Variants in UGT1A6 observed in about 807,000 individuals in gnomAD.
UGT1A6 encodes the protein UDP glucuronosyltransferase family 1 member A6, also known as UDP-glucuronosyltransferase 1A6.
UGT1A6 carries 32 observed loss-of-function variants against 44.4 expected under a neutral mutation model. The ratio of observed to expected loss-of-function variants is 0.72; its 90% CI spans 0.54 to 0.97. The LOEUF (loss-of-function observed/expected upper bound fraction) is 0.97. UGT1A6 is among the 50% of genes least tolerant of loss of function. UGT1A6 has a pLI of 0.00. For missense variants in UGT1A6, 685 were observed against 661.9 expected, an observed-to-expected ratio of 1.03 and a Z score of -0.38; for synonymous variants, 238 against 248.5, an observed-to-expected ratio of 0.96 and a Z score of 0.40.
chr2:233,751,261 C>T (rs1694682107), intron 1 of UGT1A6, among the ~76,000 whole-genome samples: 1 of 151,890 alleles, frequency 6.6e-6, no homozygotes, highest in South Asian at 2.1e-4. Flanking sequence ...GGCCTGTAGC[C>T]CCCTTTTTTT....
At chr2:233,721,854 C>G in intron 1 of UGT1A6, 1 of 513,502 alleles carries the variant, frequency 1.9e-6, no homozygotes, top group Non-Finnish European at 3.9e-6. Context: ...AGCCCCACTG[C>G]TCGGCCCTGG....
At chr2:233,708,414 C>A (rs2076017476) in intron 1 of UGT1A6, 1 of 152,100 alleles carries the variant, frequency 6.6e-6, no homozygotes, top group Admixed American at 6.6e-5. Flanking sequence ...AGTTGTTTCA[C>A]CAGTGAAGAT....
At chr2:233,761,289 C>G in intron 1 of UGT1A6, 1 of 1,541,658 alleles carries the variant, frequency 6.5e-7, no homozygotes, top group Non-Finnish European at 8.8e-7. Context: ...ATTTTTGACT[C>G]CTAGGTTTGA....
At chr2:233,724,475 T>A (rs568755731) in intron 1 of UGT1A6, among the ~76,000 whole-genome samples, 8 of 68,812 alleles carry the variant, frequency 1.2e-4, no homozygotes, top group Non-Finnish European at 1.5e-4. Flanking sequence ...GGCTCCTCAC[T>A]TCTCAGACGG....
At chr2:233,730,094 A>G (rs1211055945) in intron 1 of UGT1A6, 2 of 1,593,062 alleles carry the variant, frequency 1.3e-6, no homozygotes, top group South Asian at 2.3e-5. Context: ...ATCTTTCCAA[A>G]TATTTCATTT....
At chr2:233,747,347 G>A (rs1693638720) in intron 1 of UGT1A6, 5 of 1,603,376 alleles carry the variant, frequency 3.1e-6, no homozygotes, top group Non-Finnish European at 4.3e-6. Context: ...CTCGCATGCG[G>A]GAGGCCGTGC....
intron 2 of UGT1A6, 121 bp downstream of exon 2, chr2:233,767,286 C>T (rs967346318): frequency 1.9e-6 from 3 of 1,568,700 alleles, no homozygotes; most frequent in Non-Finnish European, 2.6e-6. Flanking sequence ...CCTGCCACTT[C>T]CCAACTATTA....
At chr2:233,757,535 A>AATAAATATACATATACATATATATATAT (rs1553619837) in intron 1 of UGT1A6, among the ~76,000 whole-genome samples, 4 of 88,284 alleles carry the variant, frequency 4.5e-5, no homozygotes, top group African/African-American at 2.0e-4. Flanking sequence ...GCCTGTAAGG[A>AATAAATATACATATACATATATATATAT]ATATATATAT....
intron 1 of UGT1A6, among the ~76,000 whole-genome samples, chr2:233,727,772 CAGTAGACG>C (rs1364688082): frequency 6.6e-6 from 1 of 152,208 alleles, no homozygotes; most frequent in Non-Finnish European, 1.5e-5. Context: ...GGGTGTCCCC[CAGTAGACG>C]CTTCCATTCA....
intron 1 of UGT1A6, chr2:233,748,089 C>G (rs17863798): frequency 2.3e-5 from 37 of 1,612,724 alleles, no homozygotes; most frequent in Non-Finnish European, 2.8e-5. Flanking sequence ...GGTCGGTGTT[C>G]GTGCCTTCAT....
chr2:233,705,009 G>A (rs533483147), intron 1 of UGT1A6, among the ~76,000 whole-genome samples: 48 of 152,132 alleles, frequency 3.2e-4, no homozygotes, highest in African/African-American at 1.1e-3. Context: ...GGTGGCAGGC[G>A]CCTGTAATCC....
At chr2:233,745,609 C>A (rs1421404648) in intron 1 of UGT1A6, among the ~76,000 whole-genome samples, 2 of 151,524 alleles carry the variant, frequency 1.3e-5, no homozygotes, top group Admixed American at 6.6e-5. Context: ...ACTTGGTAAG[C>A]ACACAATGAA....
chr2:233,745,240 T>C (rs1693048466), intron 1 of UGT1A6, among the ~76,000 whole-genome samples: 1 of 151,858 alleles, frequency 6.6e-6, no homozygotes, highest in Non-Finnish European at 1.5e-5. Flanking sequence ...CACTATTTAC[T>C]GTATCGAAAC....
Position 233,719,112 on chromosome 2 carries a change from C to T in UGT1A6, c.861+25247C>T, listed in dbSNP as rs201323245. On this transcript the variant is annotated intron_variant, in intron 1 of 4. Transcript: ENST00000305139. ...TGATCGCGTTACGCTGGGCTACACT[C>T]AAGGGTTCTTTGAAACAGAACATCT... 6.5e-5 allele frequency: 105 copies of T among 1,614,240 alleles called. 2 individuals are homozygous for T. The East Asian group carries it at 1.8e-3, about 28-fold the overall frequency.
intron 1 of UGT1A6, among the ~76,000 whole-genome samples, chr2:233,717,036 C>A (rs1178363504): frequency 1.3e-5 from 2 of 152,172 alleles, no homozygotes; most frequent in Non-Finnish European, 2.9e-5. Flanking sequence ...TTCCAAGATA[C>A]ATGGGCCTCC....
Position 233,767,860 on chromosome 2 carries a change from G to C in UGT1A6, c.1005G>C (p.Arg335=). ...LGKIPQTVLW[R]YTGTRPSNLA... is the part of the protein sequence containing the mutation. ...TTTGCCCCTCCCAGGTCCTGTGGCGGTACACTGGAACCCGACCATCGAATC... is the reference window on the plus strand; with the variant it reads ...TTTGCCCCTCCCAGGTCCTGTGGCGCTACACTGGAACCCGACCATCGAATC... Residue 335 remains arginine (R), a synonymous_variant, in exon 3 of 5, where the codon CGG becomes CGC. Coordinates refer to ENST00000305139, the MANE Select transcript of UGT1A6 (RefSeq NM_001072.4). The C allele has an allele frequency of 1.2e-6, 2 of 1,614,120 alleles. No individual in the cohort carries two copies. The highest frequency in any genetic ancestry group is 1.7e-6 in the Non-Finnish European group (2 of 1,180,048).
chr2:233,699,520 G>A (rs998793115), intron 1 of UGT1A6, among the ~76,000 whole-genome samples: 3 of 152,142 alleles, frequency 2.0e-5, no homozygotes, highest in Non-Finnish European at 2.9e-5. Flanking sequence ...CAAGCCTTCC[G>A]AAGGACAGGG....
chr2:233,736,738 C>T (rs1478066548), intron 1 of UGT1A6, among the ~76,000 whole-genome samples: 1 of 152,114 alleles, frequency 6.6e-6, no homozygotes, highest in Non-Finnish European at 1.5e-5. Flanking sequence ...TATGCTGTTC[C>T]TTTCTGTTTG....
chr2:233,712,916 G>C, intron 1 of UGT1A6: 2 of 1,611,516 alleles, frequency 1.2e-6, no homozygotes, highest in South Asian at 2.2e-5. Context: ...CAGTGACAAG[G>C]TAATTAAGAC....
Sources: gnomAD v4.1 joint callset for allele counts (sites outside exome capture counted in the v4.1 genomes callset) on GRCh38, gnomAD v4.1.1 for gene constraint, MANE v1.5 for transcripts, NCBI Gene and HGNC (gene_info 2026-07-23, HGNC 2026-07-21) for gene names.